The following NDEL1 variants were observed in gnomAD, a reference collection of about 807,000 sequenced individuals.
NDEL1 encodes nudE neurodevelopment protein 1 like 1.
In NDEL1, 9 loss-of-function variants were observed where a neutral mutation model predicts 45.7. That is an observed-to-expected ratio of 0.20 (90% CI 0.12 to 0.34). The LOEUF is 0.34. NDEL1 is among the 10% of genes least tolerant of loss of function. The pLI is 1.00. For missense variants in NDEL1, 306 were observed against 406.2 expected (o/e 0.75, Z 2.12); for synonymous variants, 133 against 158.6 (o/e 0.84, Z 1.21).
intron 1 of NDEL1, among the ~76,000 whole-genome samples, chr17:8,416,953 C>T (rs6503115): frequency 3.3e-5 from 5 of 151,976 alleles, no homozygotes; most frequent in South Asian, 2.1e-4. Flanking sequence ...TTTTAAAAAG[C>T]GCTCTTGTTC....
chr17:8,428,362 ATTTT>A (rs1176480046), intron 1 of NDEL1, among the ~76,000 whole-genome samples: 49 of 81,566 alleles, frequency 6.0e-4, no homozygotes, highest in African/African-American at 2.5e-3. Flanking sequence ...GTGTGTGTGT[ATTTT>A]TTTTTTTTTT....
chr17:8,434,793 C>A (rs530982879), upstream of NDEL1, among the ~76,000 whole-genome samples: 1 of 151,918 alleles, frequency 6.6e-6, no homozygotes, highest in African/African-American at 2.4e-5. Flanking sequence ...AAGATGGGGC[C>A]GGGCGCTGTG....
chr17:8,422,253 T>C (rs529627062), intron 1 of NDEL1, among the ~76,000 whole-genome samples: 2 of 152,332 alleles, frequency 1.3e-5, no homozygotes, highest in South Asian at 4.1e-4. Context: ...TTTAGAAAAT[T>C]GTTGAAACAG....
At position 8,460,000 on chromosome 17, in the gene NDEL1, T is replaced by C; in HGVS notation, c.793-9T>C. 1 of 1,605,822 alleles carries C rather than the reference T, an allele frequency of 6.2e-7. No homozygotes were observed. Among genetic ancestry groups the C allele is most frequent in the East Asian group, 2.2e-5 (1 of 44,810 alleles). On this transcript the variant is annotated splice_polypyrimidine_tract_variant and intron_variant, in intron 7 of 8. Coordinates refer to ENST00000334527, the MANE Select transcript of NDEL1 (RefSeq NM_030808.5). ...TGACAACCATATCATTCCTCCTTCT[T>C]TTTTGTAGGCTTTAGAATCCAAATT...
chr17:8,437,937 T>C (rs1213075773), intron 1 of NDEL1, among the ~76,000 whole-genome samples: 7 of 69,896 alleles, frequency 1.0e-4, no homozygotes. Flanking sequence ...TAAAGAAAGA[T>C]GGGGTGGGGG....
At chr17:8,428,323 G>GGTGTGTGTGTGTGT (rs61341198) in intron 1 of NDEL1, among the ~76,000 whole-genome samples, 5 of 62,044 alleles carry the variant, frequency 8.1e-5, no homozygotes, top group Non-Finnish European at 9.6e-5. Context: ...AAGTGTGTGT[G>GGTGTGTGTGTGTGT]GTGTGTGTGT....
chr17:8,414,863 A>G (rs1403889546), intron 1 of NDEL1, among the ~76,000 whole-genome samples: 1 of 151,920 alleles, frequency 6.6e-6, no homozygotes, highest in Non-Finnish European at 1.5e-5. Flanking sequence ...TCTCTAACAG[A>G]CCTATAAAAT....
chr17:8,457,918 T>G (rs564317461), intron 7 of NDEL1, among the ~76,000 whole-genome samples: 2 of 152,392 alleles, frequency 1.3e-5, no homozygotes, highest in African/African-American at 2.4e-5. Context: ...TACTTTGATA[T>G]TTCTGTATTA....
intron 2 of NDEL1, among the ~76,000 whole-genome samples, chr17:8,445,441 T>C (rs1462931611): frequency 3.3e-5 from 5 of 152,188 alleles, no homozygotes; most frequent in Admixed American, 2.6e-4. Context: ...CGCATCTGAG[T>C]TCTGTGGTGG....
At chr17:8,471,132 C>A (rs1279706291), downstream of NDEL1, among the ~76,000 whole-genome samples, 1 of 152,174 alleles carries the variant, frequency 6.6e-6, no homozygotes, top group Non-Finnish European at 1.5e-5. Context: ...GCTGCTGATG[C>A]TCATTCTGCA....
chr17:8,446,693 C>T (rs765030800), intron 3 of NDEL1, 61 bp from the exon 4 acceptor site: 6 of 1,515,876 alleles, frequency 4.0e-6, no homozygotes, highest in Non-Finnish European at 5.4e-6. Flanking sequence ...ACTTGAGTTA[C>T]CTCTTTAGTA....
chr17:8,435,747 T>TGGCGTCAGCGC (rs1909254625), upstream of NDEL1: 1 of 343,940 alleles, frequency 2.9e-6, no homozygotes, highest in Non-Finnish European at 5.7e-6. Flanking sequence ...GCCGTCAGCT[T>TGGCGTCAGCGC]GGCGTCAGCG....
chr17:8,454,251 T>C (rs1489478350), intron 6 of NDEL1, among the ~76,000 whole-genome samples: 1 of 125,586 alleles, frequency 8.0e-6, no homozygotes, highest in Non-Finnish European at 1.8e-5. Flanking sequence ...ATAGAGTTCT[T>C]ACAAATTGAT....
At chr17:8,428,568 C>G (rs1269559327) in intron 1 of NDEL1, among the ~76,000 whole-genome samples, 2 of 151,198 alleles carry the variant, frequency 1.3e-5, no homozygotes, top group African/African-American at 2.4e-5. Context: ...TTTCACCATA[C>G]TGGCCAGGCT....
intron 3 of NDEL1, among the ~76,000 whole-genome samples, chr17:8,473,369 T>G (rs943397763): frequency 3.3e-5 from 5 of 152,104 alleles, no homozygotes; most frequent in African/African-American, 1.2e-4. Context: ...GTATTTTTAG[T>G]AGAGACGGTG....
downstream of NDEL1, among the ~76,000 whole-genome samples, chr17:8,468,611 T>C (rs958366659): frequency 6.6e-6 from 1 of 152,226 alleles, no homozygotes; most frequent in African/African-American, 2.4e-5. Flanking sequence ...GTCAGATACT[T>C]GATAGCAAGA....
intron 1 of NDEL1, among the ~76,000 whole-genome samples, chr17:8,419,517 G>GT (rs746937747): frequency 3.9e-4 from 59 of 152,192 alleles, no homozygotes; most frequent in Non-Finnish European, 7.6e-4. Context: ...TGACCATACA[G>GT]TATTTCTTTG....
chr17:8,447,982 C>T (rs558894764), intron 4 of NDEL1, among the ~76,000 whole-genome samples: 1 of 107,714 alleles, frequency 9.3e-6, no homozygotes, highest in Admixed American at 1.0e-4. Flanking sequence ...GGGAGGTGGG[C>T]GGGGGGGGGG....
At chr17:8,444,124 AAG>A in intron 1 of NDEL1, 134 bp from the exon 2 acceptor site, 1 of 591,472 alleles carries the variant, frequency 1.7e-6, no homozygotes, top group Non-Finnish European at 3.0e-6. Flanking sequence ...CCTGAGTTTG[AAG>A]AGAGTTAACC....
Sources: allele counts gnomAD v4.1 joint callset (sites outside exome capture counted in the v4.1 genomes callset), GRCh38; gene constraint gnomAD v4.1.1; transcripts MANE v1.5; gene names NCBI Gene and HGNC (gene_info 2026-07-23, HGNC 2026-07-21).